Variants in GSK3B observed in about 807,000 individuals in gnomAD.
GSK3B encodes the protein glycogen synthase kinase-3 beta.
GSK3B carries 15 observed loss-of-function variants against 56.4 expected under a neutral mutation model. The observed-to-expected ratio is 0.27, with a 90% confidence interval of 0.18 to 0.41. The LOEUF is 0.41. Ranked by LOEUF, GSK3B falls within the 10% of genes least tolerant of loss-of-function variation. The pLI, the probability that GSK3B is intolerant of heterozygous loss-of-function variation, is 1.00. For synonymous variants in GSK3B, 181 were observed against 188.9 expected, an observed-to-expected ratio of 0.96 and a Z score of 0.34; for missense variants, 300 against 513.4, an observed-to-expected ratio of 0.58 and a Z score of 4.02.
In GSK3B at chr3:119,966,246, T is replaced by C. The variant is rs576014551; in HGVS notation, c.283-18895A>G. Among the ~76,000 whole-genome samples the C allele has an allele frequency of 3.9e-5, 6 of 152,314 alleles. No homozygotes were observed. The South Asian group carries it at 1.2e-3, about 32-fold the overall frequency. On this transcript the variant is annotated intron_variant, in intron 2 of 10. Coordinates refer to ENST00000264235, the MANE Select transcript of GSK3B (RefSeq NM_001146156.2). ...TTTTTAACAGAAAGGTGAGGTGAAGTAGCTTATTCAGATAAATCTTGATAG... is the reference window on the plus strand; with the variant it reads ...TTTTTAACAGAAAGGTGAGGTGAAGCAGCTTATTCAGATAAATCTTGATAG...
rs1381740649 is a variant in GSK3B at position 120,066,595 on chromosome 3, GTTC to G, written c.88+26749_88+26751del. Among the ~76,000 whole-genome samples, 3 of 152,136 alleles carry G rather than the reference GTTC, an allele frequency of 2.0e-5. No individual in the cohort carries two copies. In the East Asian group the frequency reaches 5.8e-4, roughly 29 times the overall value. ...AGGATAATAATAAAATTGAGGTAAA[GTTC>G]TTCTTTATAGAAAAATTCCAGCTAC... On this transcript the variant is annotated intron_variant, in intron 1 of 10. Transcript: ENST00000264235.
rs567555932 is a variant in GSK3B at position 120,093,535 on chromosome 3, C to G, written c.-101G>C. 45 of 746,968 alleles carry G rather than the reference C, an allele frequency of 6.0e-5. 1 individual carries two copies. Among genetic ancestry groups the G allele is most frequent in the East Asian group, 6.0e-4 (24 of 40,328 alleles). The allele number at this position is 746,968 out of a possible 1,614,324, so 46.3% of individuals were successfully genotyped here. A position where few individuals can be genotyped will look rare whatever the true frequency, so the allele number is the denominator to read the frequency against. On this transcript the variant is annotated 5_prime_UTR_variant, in exon 1 of 11. Transcript: ENST00000264235. ...TTAACGATAAATGCAGCATTAAGTT[C>G]TCCCACAGAAGAAAAAGAAAAAGAC...
At chr3:119,897,697 T>G (rs147166874) in intron 7 of GSK3B, among the ~76,000 whole-genome samples, 3,164 of 144,676 alleles carry the variant, frequency 0.022, 87 homozygotes, top group South Asian at 0.072. Flanking sequence ...ATTTAACTGA[T>G]AATACAAGAA....
chr3:119,856,699 T>C (rs922160016), intron 9 of GSK3B, among the ~76,000 whole-genome samples: 18 of 152,302 alleles, frequency 1.2e-4, no homozygotes, highest in African/African-American at 3.6e-4. Flanking sequence ...CCTGATTACA[T>C]AGAAATTTTA....
chr3:119,869,666 T>C (rs146616564), intron 8 of GSK3B, among the ~76,000 whole-genome samples: 233 of 152,360 alleles, frequency 1.5e-3, no homozygotes, highest in Middle Eastern at 3.4e-3. Context: ...TTTAATGTCA[T>C]TGATAGGTTC....
chr3:120,093,231 G>A, intron 1 of GSK3B, 116 bp downstream of exon 1: 1 of 685,374 alleles, frequency 1.5e-6, no homozygotes, highest in Non-Finnish European at 2.6e-6. Flanking sequence ...GATAGGTTTT[G>A]CCCTTTTCCA....
At chr3:119,881,567 C>T (rs1442230277) in intron 7 of GSK3B, among the ~76,000 whole-genome samples, 3 of 152,192 alleles carry the variant, frequency 2.0e-5, no homozygotes, top group Non-Finnish European at 4.4e-5. Context: ...TCTACATATT[C>T]AGTACTTTGC....
chr3:120,029,182 T>C, intron 1 of GSK3B: 1 of 682,712 alleles, frequency 1.5e-6, no homozygotes, highest in South Asian at 1.6e-5. Context: ...AAAAAGAGAC[T>C]TCAGAAAGGA....
intron 1 of GSK3B, among the ~76,000 whole-genome samples, chr3:120,084,182 G>T (rs2058444747): frequency 6.6e-6 from 1 of 152,034 alleles, no homozygotes; most frequent in South Asian, 2.1e-4. Flanking sequence ...TTTCTACATA[G>T]AATACTGTTC....
At chr3:119,845,584 C>T (rs1483154889) in intron 9 of GSK3B, among the ~76,000 whole-genome samples, 1 of 152,024 alleles carries the variant, frequency 6.6e-6, no homozygotes, top group Non-Finnish European at 1.5e-5. Context: ...AATAAAATAC[C>T]TGGGAATACA....
At chr3:119,972,103 T>C (rs1419985739) in intron 2 of GSK3B, among the ~76,000 whole-genome samples, 1 of 152,208 alleles carries the variant, frequency 6.6e-6, no homozygotes, top group East Asian at 1.9e-4. Flanking sequence ...CTTTACTAAA[T>C]GTTTAGTTCT....
chr3:119,829,237 T>A (rs1217463747), intron 10 of GSK3B, among the ~76,000 whole-genome samples: 1 of 152,208 alleles, frequency 6.6e-6, no homozygotes, highest in African/African-American at 2.4e-5. Context: ...TTCATTTTCA[T>A]GATTCATGCA....
rs181390197 is a variant in GSK3B, at chr3:119,896,357, A to G, written c.813+9398T>C. ...CTTTTTTTCTAGGTGAATTTCAGCTAAAGTGGTATTCTCAAGGAAGCAGTA... is the reference window on the plus strand; with the variant it reads ...CTTTTTTTCTAGGTGAATTTCAGCTGAAGTGGTATTCTCAAGGAAGCAGTA... On this transcript the variant is annotated intron_variant, in intron 7 of 10. Transcript: ENST00000264235. Among the ~76,000 whole-genome samples, 9 of 152,262 alleles carry G rather than the reference A, an allele frequency of 5.9e-5. No homozygotes were observed. In the East Asian group the frequency reaches 7.7e-4, roughly 13 times the overall value.
At chr3:119,837,968 A>T (rs914397019) in intron 10 of GSK3B, among the ~76,000 whole-genome samples, 2 of 127,318 alleles carry the variant, frequency 1.6e-5, no homozygotes, top group Non-Finnish European at 3.2e-5. Context: ...ATATATATAT[A>T]TATTTCAGTC....
At chr3:119,962,375 CAA>C (rs71156779) in intron 2 of GSK3B, among the ~76,000 whole-genome samples, 77 of 120,474 alleles carry the variant, frequency 6.4e-4, no homozygotes, top group Admixed American at 1.5e-3. Context: ...AACTCTGTCT[CAA>C]AAAAAAAAAA....
intron 9 of GSK3B, among the ~76,000 whole-genome samples, chr3:119,847,339 G>A (rs1285175661): frequency 6.6e-6 from 1 of 151,998 alleles, no homozygotes; most frequent in African/African-American, 2.4e-5. Context: ...AATTAGCCTG[G>A]CGTGGTGGCA....
chr3:119,864,991 T>C (rs2056158072), intron 8 of GSK3B, among the ~76,000 whole-genome samples: 1 of 152,216 alleles, frequency 6.6e-6, no homozygotes, highest in Admixed American at 6.5e-5. Flanking sequence ...TTCTTTTGAA[T>C]ACTCTGACTC....
At chr3:119,967,188 C>A (rs2057325501) in intron 2 of GSK3B, among the ~76,000 whole-genome samples, 2 of 152,094 alleles carry the variant, frequency 1.3e-5, no homozygotes, top group Admixed American at 6.5e-5. Context: ...AAGCGATTCT[C>A]CTGCCTCAGC....
intron 2 of GSK3B, among the ~76,000 whole-genome samples, chr3:119,974,408 CTG>C (rs2057393285): frequency 6.6e-6 from 1 of 151,716 alleles, no homozygotes; most frequent in South Asian, 2.1e-4. Context: ...TATGAGGACT[CTG>C]AGATTAATAC....
Sources: gnomAD v4.1 joint callset for allele counts (sites outside exome capture counted in the v4.1 genomes callset) on GRCh38, gnomAD v4.1.1 for gene constraint, MANE v1.5 for transcripts, NCBI Gene and HGNC (gene_info 2026-07-23, HGNC 2026-07-21) for gene names.